The following ADGRG4 variants were observed in gnomAD, a reference collection of about 807,000 sequenced individuals.
The protein encoded by ADGRG4 is adhesion G protein-coupled receptor G4.
In ADGRG4, 122 loss-of-function variants were observed where a neutral mutation model predicts 126.2. The observed-to-expected ratio is 0.97, with a 90% CI of 0.83 to 1.12. The LOEUF (loss-of-function observed/expected upper bound fraction) is 1.12. ADGRG4 is among the 50% of genes most tolerant of loss of function. The pLI, the probability that ADGRG4 is intolerant of heterozygous loss-of-function variation, is 0.00. For missense variants in ADGRG4, 2,481 were observed against 2,251.8 expected (o/e 1.10, Z -2.06); for synonymous variants, 943 against 838.7 (o/e 1.12, Z -2.15).
At chrX:136,341,450 G>A (rs1328182403) in intron 5 of ADGRG4, among the ~76,000 whole-genome samples, 1 of 112,206 alleles carries the variant, frequency 8.9e-6, no homozygotes, top group East Asian at 2.8e-4. Context: ...TGCTAGAAGT[G>A]ACACTTTCAC....
rs180765843 is a variant in ADGRG4, at chrX:136,344,991, C to T, written c.1285C>T (p.Pro429Ser). ...KQKSTNTGAL[P>S]ISTAGQEFIE... is the part of the protein sequence containing the mutation. ...AAAATCCACAAATACTGGGGCACTC[C>T]CTATCTCCACAGCTGGCCAGGAGTT... Residue 429 changes from proline (P) to serine (S), a missense_variant, in exon 6 of 26, where the codon CCT (proline) becomes TCT (serine). Pro to Ser is a moderately conservative substitution (Grantham distance 74). Coordinates refer to ENST00000394143, the MANE Select transcript of ADGRG4 (RefSeq NM_153834.4). 5.8e-4 allele frequency: 707 copies of T among 1,209,702 alleles called. 3 individuals carry two copies. In the South Asian group the frequency reaches 7.2e-3, roughly 12 times the overall value.
rs150456773 is a variant in ADGRG4 at position 136,345,547 on chromosome X, C to T, written c.1841C>T (p.Thr614Ile). Residue 614 changes from threonine to isoleucine, a missense_variant, in exon 6 of 26, where the codon ACA becomes ATA. By Grantham distance (89) the Thr-to-Ile change is moderately conservative. Coordinates refer to ENST00000394143, the MANE Select transcript of ADGRG4 (RefSeq NM_153834.4). The part of the protein sequence containing the change: ...TGRVYTQNTP[T>I]ADGHLLTLMS... ...CGAGTTTACACCCAGAATACACCTACAGCTGATGGACACTTGCTTACTTTG... is the reference window on the plus strand; with the variant it reads ...CGAGTTTACACCCAGAATACACCTATAGCTGATGGACACTTGCTTACTTTG... The T allele has an allele frequency of 5.9e-5, 71 of 1,207,904 alleles. No individual in the cohort carries two copies. In the African/African-American group the frequency reaches 1.1e-3, roughly 19 times the overall value.
At chrX:136,387,284 A>G (rs1459650417) in intron 15 of ADGRG4, among the ~76,000 whole-genome samples, 2 of 112,196 alleles carry the variant, frequency 1.8e-5, no homozygotes, top group Non-Finnish European at 3.8e-5. Context: ...TAACCAAAAC[A>G]TTGCTCCATA....
rs200611829 is a variant in ADGRG4, at chrX:136,345,789, T to C, written c.2083T>C (p.Tyr695His). 3.0e-4 allele frequency: 364 copies of C among 1,208,790 alleles called. 2 individuals carry two copies. In the East Asian group the frequency reaches 0.011, roughly 35 times the overall value. ...TCATGAGAATACTACTTATACAGAA[T>C]ATTTATCCGCAACTACCAATATCAC... is the stretch of plus-strand genomic sequence containing the variant. The part of the protein sequence containing the change: ...AFHENTTYTE[Y>H]LSATTNITPL... Residue 695 changes from tyrosine to histidine, a missense_variant, in exon 6 of 26, where the codon TAT becomes CAT. Coordinates refer to ENST00000394143, the MANE Select transcript of ADGRG4 (RefSeq NM_153834.4).
intron 5 of ADGRG4, among the ~76,000 whole-genome samples, chrX:136,327,464 A>AAATAAAAATAAT (rs1556003344): frequency 2.1e-5 from 2 of 97,522 alleles, no homozygotes; most frequent in Middle Eastern, 4.6e-3. Flanking sequence ...GTGGGAAATA[A>AAATAAAAATAAT]AATAATAATA....
chrX:136,380,001 T>C (rs1464769390), intron 15 of ADGRG4, among the ~76,000 whole-genome samples: 3 of 111,905 alleles, frequency 2.7e-5, no homozygotes, highest in Non-Finnish European at 3.8e-5. Flanking sequence ...TACCACACTT[T>C]GTTCATCCAT....
At chrX:136,391,204 G>A (rs2075317842) in intron 16 of ADGRG4, among the ~76,000 whole-genome samples, 1 of 111,368 alleles carries the variant, frequency 9.0e-6, no homozygotes, top group African/African-American at 3.3e-5. Context: ...AAGTGGCCCA[G>A]CAGGATCTCC....
chrX:136,334,076 C>CT (rs1165312873), intron 5 of ADGRG4, among the ~76,000 whole-genome samples: 21 of 2,494 alleles, frequency 8.4e-3, no homozygotes, highest in African/African-American at 0.069. Flanking sequence ...GGTTCTCTCT[C>CT]TTTCTTTCTT....
At position 136,344,982 on chromosome X, in the gene ADGRG4, G is replaced by A. The variant is rs2075003606; in HGVS notation, c.1276G>A (p.Gly426Arg). The change falls in exon 6 of 26, where the codon GGG becomes AGG. Residue 426 changes from glycine to arginine, a missense_variant. Coordinates refer to ENST00000394143, the MANE Select transcript of ADGRG4 (RefSeq NM_153834.4). ...TCTCAAACAAAAATCCACAAATACT[G>A]GGGCACTCCCTATCTCCACAGCTGG... ...PCLKQKSTNT[G>R]ALPISTAGQE... 1 of 1,210,744 alleles carries A rather than the reference G, an allele frequency of 8.3e-7. No homozygotes were observed. Among genetic ancestry groups the A allele is most frequent in the East Asian group, 3.0e-5 (1 of 33,834 alleles).
chrX:136,409,369 G>A (rs890201161), intron 23 of ADGRG4, among the ~76,000 whole-genome samples: 1 of 111,929 alleles, frequency 8.9e-6, no homozygotes, highest in African/African-American at 3.3e-5. Context: ...GGCAGAGGGG[G>A]AGAGTTGGCA....
At chrX:136,306,430 T>C (rs1267600742) in intron 3 of ADGRG4, among the ~76,000 whole-genome samples, 1 of 111,544 alleles carries the variant, frequency 9.0e-6, no homozygotes, top group Non-Finnish European at 1.9e-5. Flanking sequence ...AAGTAATGTA[T>C]GCTCATTGTA....
intron 8 of ADGRG4, 61 bp downstream of exon 8, chrX:136,353,462 C>T: frequency 6.5e-6 from 5 of 765,460 alleles, no homozygotes; most frequent in Non-Finnish European, 1.0e-5. Context: ...GGGTCTGTTC[C>T]TATCTGGAGG....
chrX:136,344,363 A>G lies in ADGRG4; in HGVS notation c.686-29A>G, dbSNP rs750210975. 22 of 1,052,001 alleles carry G rather than the reference A, an allele frequency of 2.1e-5. No homozygotes were observed. The Admixed American group carries it at 2.1e-4, about 10-fold the overall frequency. 86.7% of individuals were successfully genotyped at this position (1,052,001 alleles called of 1,213,427 possible). On this transcript the variant is annotated intron_variant, in intron 5 of 25. Coordinates refer to ENST00000394143, the MANE Select transcript of ADGRG4 (RefSeq NM_153834.4). Reference sequence around the variant, plus strand: ...TCTCTAATTTCCAAAGCTGAATCCAAAATAACACATTCTTTCTGATTTTTT... The same window carrying G: ...TCTCTAATTTCCAAAGCTGAATCCAGAATAACACATTCTTTCTGATTTTTT...
At position 136,377,167 on chromosome X, in the gene ADGRG4, CTT is replaced by C. The variant is rs1184343263; in HGVS notation, c.7776+4126_7776+4127del. Among the ~76,000 whole-genome samples the C allele has an allele frequency of 7.3e-3, 355 of 48,569 alleles. 1 individual carries two copies. The highest frequency in any genetic ancestry group is 0.025 in the Middle Eastern group (1 of 40). 42.2% of individuals were successfully genotyped at this position (48,569 alleles called of 115,157 possible). A position where few individuals can be genotyped will look rare whatever the true frequency, so the allele number is the denominator to read the frequency against. On this transcript the variant is annotated intron_variant, in intron 15 of 25. Coordinates refer to ENST00000394143, the MANE Select transcript of ADGRG4 (RefSeq NM_153834.4). ...GTTTTTCACTTTCTTGTTTTCTTTC[CTT>C]TTTTTTTTTTTTTTTTTTTTTTGTT...
chrX:136,357,596 C>T, intron 9 of ADGRG4, 108 bp from the exon 10 acceptor site: 1 of 554,580 alleles, frequency 1.8e-6, no homozygotes, highest in Non-Finnish European at 2.9e-6. Flanking sequence ...CAATGAGTTA[C>T]ATAAATGTGA....
rs995722030 is a variant in ADGRG4, at chrX:136,416,583, G to A, written c.*92G>A. 22 of 657,441 alleles carry A rather than the reference G, an allele frequency of 3.3e-5. No homozygotes were observed. The Admixed American group carries it at 5.9e-4, about 18-fold the overall frequency. 54.2% of individuals were successfully genotyped at this position (657,441 alleles called of 1,213,427 possible). ...GTGTATACTTGCTCGGGTGATGGGT[G>A]CACCAAAATCTCACAAATCACCACT... On this transcript the variant is annotated 3_prime_UTR_variant, in exon 26 of 26. Transcript: ENST00000394143.
chrX:136,406,508 A>G (rs964875121), intron 23 of ADGRG4, among the ~76,000 whole-genome samples: 1 of 112,420 alleles, frequency 8.9e-6, no homozygotes, highest in Admixed American at 9.4e-5. Context: ...GTTGAATTAG[A>G]TGATCCTAAG....
chrX:136,326,657 G>A (rs142973667), intron 5 of ADGRG4, among the ~76,000 whole-genome samples: 3,684 of 110,952 alleles, frequency 0.033, 73 homozygotes, highest in Non-Finnish European at 0.051. Context: ...ACCACTGAAG[G>A]ATCTGTAAAA....
intron 6 of ADGRG4, 50 bp downstream of exon 6, chrX:136,350,483 A>G (rs1251853830): frequency 1.8e-6 from 2 of 1,117,886 alleles, no homozygotes; most frequent in Non-Finnish European, 2.4e-6. Context: ...TTCATGCACT[A>G]TGGGTCATGT....
Sources: allele counts gnomAD v4.1 joint callset (sites outside exome capture counted in the v4.1 genomes callset), GRCh38; gene constraint gnomAD v4.1.1; transcripts MANE v1.5; gene names NCBI Gene and HGNC (gene_info 2026-07-23, HGNC 2026-07-21).